TTC29: variants seen among roughly 807,000 people sequenced by gnomAD.
TTC29 encodes the protein tetratricopeptide repeat protein 29.
Under a neutral mutation model 58.1 loss-of-function variants are expected in TTC29, and 49 were observed. That is an observed-to-expected ratio of 0.84 (90% CI 0.67 to 1.07). The LOEUF (loss-of-function observed/expected upper bound fraction) is 1.07. TTC29 is among the 50% of genes least tolerant of loss of function. The pLI is 0.00. For missense variants in TTC29, 582 were observed against 555.6 expected, an observed-to-expected ratio of 1.05 and a Z score of -0.48; for synonymous variants, 209 against 196.8, an observed-to-expected ratio of 1.06 and a Z score of -0.52.
intron 11 of TTC29, among the ~76,000 whole-genome samples, chr4:146,773,690 G>C (rs1416855027): frequency 2.6e-5 from 4 of 151,840 alleles, no homozygotes; most frequent in Non-Finnish European, 4.4e-5. Context: ...ATATTGGCCT[G>C]AAGTTTTCTC....
intron 8 of TTC29, among the ~76,000 whole-genome samples, chr4:146,866,047 A>G (rs2150207322): frequency 6.6e-6 from 1 of 152,334 alleles, no homozygotes; most frequent in East Asian, 1.9e-4. Context: ...GCACTTTATG[A>G]TATTTGAATA....
In TTC29 at chr4:146,885,192, C is replaced by T. The variant is rs116401155; in HGVS notation, c.587-10264G>A. Among the ~76,000 whole-genome samples, 1,314 of 151,918 alleles carry T rather than the reference C, an allele frequency of 8.6e-3. 18 individuals are homozygous for T. Among genetic ancestry groups the T allele is most frequent in the African/African-American group, 0.03 (1,263 of 41,434 alleles). The stretch of plus-strand genomic sequence containing the variant: ...CCAGGCAAATTAGGGTGACACTACC[C>T]TATAACTGACCCAAAATAACAAAAG... On this transcript the variant is annotated intron_variant, in intron 6 of 12. Transcript: ENST00000325106.
chr4:146,821,916 T>G (rs569696054), intron 9 of TTC29, among the ~76,000 whole-genome samples: 39 of 151,568 alleles, frequency 2.6e-4, no homozygotes, highest in African/African-American at 9.4e-4. Flanking sequence ...TGACAGGTAC[T>G]GACTTGTATA....
chr4:146,915,350 C>G (rs1168210450), intron 4 of TTC29, among the ~76,000 whole-genome samples: 1 of 151,946 alleles, frequency 6.6e-6, no homozygotes, highest in Non-Finnish European at 1.5e-5. Context: ...ATTGGTAAGC[C>G]ATTCTCTTTA....
chr4:146,827,825 C>A (rs765790899), intron 9 of TTC29, among the ~76,000 whole-genome samples: 1 of 152,162 alleles, frequency 6.6e-6, no homozygotes, highest in Non-Finnish European at 1.5e-5. Context: ...AGCCAAGAGG[C>A]AAATTCAATT....
chr4:146,894,286 T>A (rs980693715), intron 6 of TTC29, among the ~76,000 whole-genome samples: 35 of 151,856 alleles, frequency 2.3e-4, no homozygotes, highest in Non-Finnish European at 4.4e-4. Flanking sequence ...AACCCAAACG[T>A]CCAACAATGA....
At chr4:146,839,345 T>C (rs1414840072) in intron 8 of TTC29, among the ~76,000 whole-genome samples, 1 of 152,180 alleles carries the variant, frequency 6.6e-6, no homozygotes, top group Middle Eastern at 3.4e-3. Flanking sequence ...AAAAGATTTG[T>C]AATGTTCCCA....
At chr4:146,778,976 C>CAAAAAAAAAAAAAAAAAA (rs369374851) in intron 11 of TTC29, among the ~76,000 whole-genome samples, 50 of 28,538 alleles carry the variant, frequency 1.8e-3, no homozygotes, top group African/African-American at 2.3e-3. Flanking sequence ...CCTAAATAAG[C>CAAAAAAAAAAAAAAAAAA]AAAAAAAAAA....
At chr4:146,908,899 T>G in intron 5 of TTC29, 127 bp downstream of exon 5, 1 of 792,510 alleles carries the variant, frequency 1.3e-6, no homozygotes, top group Non-Finnish European at 2.0e-6. Context: ...GACGTTTAAT[T>G]GACTGGGTTG....
intron 3 of TTC29, among the ~76,000 whole-genome samples, chr4:146,939,474 A>C (rs1157516911): frequency 6.6e-6 from 1 of 152,050 alleles, no homozygotes; most frequent in Non-Finnish European, 1.5e-5. Context: ...AAAGCTTTAC[A>C]CCTTTCATTC....
intron 10 of TTC29, among the ~76,000 whole-genome samples, chr4:146,812,260 A>G (rs1236187392): frequency 6.6e-6 from 1 of 152,170 alleles, no homozygotes; most frequent in Non-Finnish European, 1.5e-5. Flanking sequence ...TAAATATCTA[A>G]TTGATATTCT....
intron 11 of TTC29, among the ~76,000 whole-genome samples, chr4:146,713,361 C>T (rs1027159502): frequency 4.6e-5 from 7 of 151,938 alleles, no homozygotes; most frequent in Non-Finnish European, 1.0e-4. Flanking sequence ...TCTCATCTTA[C>T]AGTTTTGTAA....
intron 8 of TTC29, among the ~76,000 whole-genome samples, chr4:146,842,255 A>C (rs1164859193): frequency 6.6e-6 from 1 of 152,092 alleles, no homozygotes; most frequent in African/African-American, 2.4e-5. Context: ...TAGTGAGGCT[A>C]GCCATTCAAT....
chr4:146,749,174 C>G (rs1157379311), intron 11 of TTC29, among the ~76,000 whole-genome samples: 1 of 150,528 alleles, frequency 6.6e-6, no homozygotes, highest in Non-Finnish European at 1.5e-5. Context: ...AAAAAAAGGC[C>G]AGGTCTGGTG....
rs542746990 is a variant in TTC29, at chr4:146,936,948, C to T, written c.176+646G>A. Among the ~76,000 whole-genome samples the T allele has an allele frequency of 1.1e-3, 162 of 152,036 alleles. 1 individual carries two copies. The highest frequency in any genetic ancestry group is 3.7e-3 in the African/African-American group (155 of 41,514). On this transcript the variant is annotated intron_variant, in intron 4 of 12. Transcript: ENST00000325106. The stretch of plus-strand genomic sequence containing the variant: ...ACATGAAAAGATGTGATAACAGAGC[C>T]ACTAAGTATAGGTAAGAAATATTAA...
intron 11 of TTC29, among the ~76,000 whole-genome samples, chr4:146,789,172 G>T (rs1171204946): frequency 6.6e-6 from 1 of 152,092 alleles, no homozygotes; most frequent in Non-Finnish European, 1.5e-5. Context: ...ATGAGTTTAG[G>T]GATAAGGAAA....
chr4:146,833,477 T>C (rs1436963695), intron 9 of TTC29, among the ~76,000 whole-genome samples: 5 of 152,240 alleles, frequency 3.3e-5, no homozygotes, highest in Admixed American at 2.6e-4. Flanking sequence ...CCACAGCCAC[T>C]GAAGCGTACT....
At chr4:146,731,073 G>A (rs1402391544) in intron 11 of TTC29, among the ~76,000 whole-genome samples, 1 of 152,132 alleles carries the variant, frequency 6.6e-6, no homozygotes, top group African/African-American at 2.4e-5. Context: ...AAATGAGAAT[G>A]GATGACATAT....
At chr4:146,897,555 G>C (rs1732853081) in intron 6 of TTC29, among the ~76,000 whole-genome samples, 1 of 152,164 alleles carries the variant, frequency 6.6e-6, no homozygotes, top group Non-Finnish European at 1.5e-5. Context: ...ATCATGCAGG[G>C]GAGGGGCTGA....
Sources: allele counts gnomAD v4.1 joint callset (sites outside exome capture counted in the v4.1 genomes callset), GRCh38; gene constraint gnomAD v4.1.1; transcripts MANE v1.5; gene names NCBI Gene and HGNC (gene_info 2026-07-23, HGNC 2026-07-21).